The following FBN3 variants were observed in gnomAD, a reference collection of about 807,000 sequenced individuals.
FBN3 encodes fibrillin 3, also known as fibrillin-3.
FBN3 carries 234 observed loss-of-function variants against 330.1 expected under a neutral mutation model. The observed-to-expected ratio is 0.71, with a 90% CI of 0.64 to 0.79. The LOEUF is 0.79. Ranked by LOEUF, FBN3 falls within the 30% of genes least tolerant of loss-of-function variation. The probability of loss-of-function intolerance (pLI) is 0.00; values close to 1 mark genes in which losing one functional copy is unlikely to be tolerated. For synonymous variants in FBN3, 1,458 were observed against 1,517.3 expected (o/e 0.96, Z 0.91); for missense variants, 3,606 against 3,886.9 (o/e 0.93, Z 1.92).
Position 8,076,247 on chromosome 19 carries a change from CGTGTGTGTGTGT to C in FBN3, c.7454-848_7454-837del, listed in dbSNP as rs34549426. ...AACCAGTGTATGGGTTGTCCGTGTGCGTGTGTGTGTGTGTGTGTGTGTGTGTGTGTGTAAGCT... is the reference window on the plus strand; with the variant it reads ...AACCAGTGTATGGGTTGTCCGTGTGCGTGTGTGTGTGTGTGTGTGTAAGCT... On this transcript the variant is annotated intron_variant, in intron 59 of 63. Coordinates refer to ENST00000600128, the MANE Select transcript of FBN3 (RefSeq NM_032447.5). 4.7e-5 allele frequency among the ~76,000 whole-genome samples: 7 copies of C among 147,646 alleles called. No homozygotes were observed. In the South Asian group the frequency reaches 6.6e-4, roughly 14 times the overall value.
chr19:8,143,200 C>A (rs1033531222), intron 6 of FBN3, among the ~76,000 whole-genome samples: 3 of 152,146 alleles, frequency 2.0e-5, no homozygotes. Context: ...CCTTCTCTCA[C>A]GGGGATCCTC....
chr19:8,118,876 C>T, intron 26 of FBN3, 21 bp downstream of exon 26: 1 of 1,599,872 alleles, frequency 6.3e-7, no homozygotes, highest in Non-Finnish European at 8.6e-7. Context: ...CTCACACTTG[C>T]ACACCCAGAT....
chr19:8,135,940 A>ACCCCCCCCCCCCCCCCCCCC, intron 13 of FBN3, 21 bp downstream of exon 13: 1 of 168,344 alleles, frequency 5.9e-6, no homozygotes. Flanking sequence ...GCCCCTGCCC[A>ACCCCCCCCCCCCCCCCCCCC]CCCGCCCACC....
chr19:8,129,134 G>A lies in FBN3; in HGVS notation c.2190C>T (p.Leu730=). 6.2e-7 allele frequency: 1 copy of A among 1,613,026 alleles called. No individual in the cohort carries two copies. The change falls in exon 18 of 64, where the codon CTC becomes CTT. Residue 730 remains leucine, a synonymous_variant. Transcript: ENST00000600128. The surrounding 1 kb of genome is among the most constrained non-coding windows in gnomAD (Gnocchi z 4.5). ...KDCTDVDECA[L]NSLLCDNGWC... The stretch of plus-strand genomic sequence containing the variant: ...ACCCGTTGTCACACAGGAGGCTGTT[G>A]AGGGCACACTCATCCACGTCTGTGG...
At chr19:8,075,540 C>G in intron 59 of FBN3, 129 bp from the exon 60 acceptor site, 1 of 868,674 alleles carries the variant, frequency 1.2e-6, no homozygotes. Flanking sequence ...GTTTCCCACT[C>G]TGTGAAATGA....
At position 8,147,133 on chromosome 19, in the gene FBN3, G is replaced by A. The variant is rs141763343; in HGVS notation, c.221C>T (p.Thr74Ile). The change falls in exon 3 of 64, where the codon ACA becomes ATA. Residue 74 changes from threonine (T) to isoleucine (I), a missense_variant. Thr to Ile is a moderately conservative substitution (Grantham distance 89, BLOSUM62 -1). Transcript: ENST00000600128. ...GACACACTGGCTCCTGCCAGGGAAT[G>A]TCCTCCAGCCTGGACAGCAGTAGGC... ...FHAYCCPGWR[T>I]FPGRSQCVVP... 3.7e-4 allele frequency: 580 copies of A among 1,570,822 alleles called. No homozygotes were observed. Among genetic ancestry groups the A allele is most frequent in the Non-Finnish European group, 4.6e-4 (539 of 1,159,872 alleles).
At chr19:8,067,864 A>C (rs1239522154) in intron 63 of FBN3, among the ~76,000 whole-genome samples, 1 of 151,918 alleles carries the variant, frequency 6.6e-6, no homozygotes, top group Non-Finnish European at 1.5e-5. Context: ...GGAGTTCGAG[A>C]CCAGCCTGAG....
At position 8,145,882 on chromosome 19, in the gene FBN3, G is replaced by C. The variant is rs1221418974; in HGVS notation, c.406C>G (p.Leu136Val). 7.1e-6 allele frequency: 11 copies of C among 1,551,148 alleles called. No homozygotes were observed. Residue 136 changes from leucine to valine, a missense_variant, in exon 5 of 64, where the codon CTG (leucine) becomes GTG (valine). Coordinates refer to ENST00000600128, the MANE Select transcript of FBN3 (RefSeq NM_032447.5). ...NGGTCRGASC[L>V]CQKGYTGTVC... ...GTGCCTGTGTAGCCCTTCTGACACA[G>C]ACAGGACGCCCCCCGGCAGGTGCCC...
intron 59 of FBN3, among the ~76,000 whole-genome samples, chr19:8,078,064 C>T (rs111746847): frequency 0.033 from 5,019 of 152,194 alleles, 131 homozygotes; most frequent in Middle Eastern, 0.061. Flanking sequence ...GGCGACAGAG[C>T]AAGACTCCAT....
chr19:8,073,003 G>GTGTGTT (rs71165270), intron 62 of FBN3, 60 bp downstream of exon 62: 2 of 958,378 alleles, frequency 2.1e-6, no homozygotes, highest in Non-Finnish European at 1.6e-6. Flanking sequence ...GTGTGTGTGT[G>GTGTGTT]CGTGCGTGCA....
chr19:8,146,086 G>A (rs2083536898), intron 4 of FBN3, 41 bp downstream of exon 4: 32 of 1,545,758 alleles, frequency 2.1e-5, no homozygotes, highest in Non-Finnish European at 2.7e-5. Context: ...AGAACCCTGT[G>A]AACTTCTTCT....
intron 24 of FBN3, 58 bp downstream of exon 24, chr19:8,123,406 G>C: frequency 6.4e-7 from 1 of 1,557,554 alleles, no homozygotes; most frequent in Non-Finnish European, 8.8e-7. Context: ...CGTCTTATTT[G>C]AGGCCCCTAT....
At position 8,090,265 on chromosome 19, in the gene FBN3, G is replaced by T; in HGVS notation, c.6032-14C>A. 2 of 1,613,494 alleles carry T rather than the reference G, an allele frequency of 1.2e-6. No homozygotes were observed. The highest frequency in any genetic ancestry group is 4.5e-5 in the East Asian group (2 of 44,870). ...TCTGCCGTGTGTCTGTGGGGTGGGG[G>T]CTCCATTACCCTGATTGAAAGCCGC... On this transcript the variant is annotated splice_polypyrimidine_tract_variant and intron_variant, in intron 48 of 63. Transcript: ENST00000600128.
intron 32 of FBN3, 91 bp downstream of exon 32, chr19:8,111,557 C>A: frequency 7.3e-7 from 1 of 1,372,862 alleles, no homozygotes; most frequent in South Asian, 1.4e-5. Context: ...CAGAAGGAGT[C>A]AGGAGGTCGA....
chr19:8,117,716 G>T, intron 26 of FBN3, 127 bp from the exon 27 acceptor site: 1 of 1,086,524 alleles, frequency 9.2e-7, no homozygotes, highest in Non-Finnish European at 1.3e-6. Flanking sequence ...AGCCCCGCAT[G>T]TGCCTATCCG....
At chr19:8,130,023 A>G (rs1350394326) in intron 16 of FBN3, among the ~76,000 whole-genome samples, 1 of 151,576 alleles carries the variant, frequency 6.6e-6, no homozygotes, top group East Asian at 2.0e-4. Flanking sequence ...TCAGCCCCCC[A>G]AGTAGCTGGG....
chr19:8,074,242 A>G (rs1568354581), intron 61 of FBN3, among the ~76,000 whole-genome samples: 1 of 152,082 alleles, frequency 6.6e-6, no homozygotes, highest in Non-Finnish European at 1.5e-5. Context: ...GCAAAGGCCA[A>G]TGGTCTGTGG....
At chr19:8,123,095 T>A (rs1441503426) in intron 24 of FBN3, among the ~76,000 whole-genome samples, 1 of 151,690 alleles carries the variant, frequency 6.6e-6, no homozygotes, top group Non-Finnish European at 1.5e-5. Context: ...GGCTCACACC[T>A]GTAATCCCAG....
Position 8,081,342 on chromosome 19 carries a change from G to A in FBN3, c.7336+16C>T, listed in dbSNP as rs201021918. ...CATGCAGTGGTGGGAGTGGGGGAGA[G>A]TTGAAAGGACATCACCTTTGCAGGT... On this transcript the variant is annotated intron_variant, in intron 58 of 63. Coordinates refer to ENST00000600128, the MANE Select transcript of FBN3 (RefSeq NM_032447.5). The A allele has an allele frequency of 1.3e-5, 21 of 1,588,198 alleles. No homozygotes were observed. The Admixed American group carries it at 2.1e-4, about 16-fold the overall frequency.
Sources: allele counts gnomAD v4.1 joint callset (sites outside exome capture counted in the v4.1 genomes callset), GRCh38; gene constraint gnomAD v4.1.1; non-coding constraint Gnocchi (gnomAD v3.1); transcripts MANE v1.5; gene names NCBI Gene and HGNC (gene_info 2026-07-23, HGNC 2026-07-21).